MICU1: variants seen among roughly 807,000 people sequenced by gnomAD.
The protein encoded by MICU1 is calcium uptake protein 1, mitochondrial.
Under a neutral mutation model 56.8 loss-of-function variants are expected in MICU1, and 45 were observed. That is an observed-to-expected ratio of 0.79 (90% CI 0.62 to 1.02). The LOEUF is 1.02. Among genes scored for constraint, MICU1 ranks in the 50% least tolerant of loss-of-function variants. The probability of loss-of-function intolerance (pLI) is 0.00; values close to 1 mark genes in which losing one functional copy is unlikely to be tolerated. For missense variants in MICU1, 504 were observed against 587.1 expected (o/e 0.86, Z 1.46); for synonymous variants, 186 against 195.1 (o/e 0.95, Z 0.39).
chr10:72,475,064 CAT>C (rs761546296), intron 8 of MICU1, 34 bp downstream of exon 8: 154 of 1,565,594 alleles, frequency 9.8e-5, no homozygotes, highest in Non-Finnish European at 1.3e-4. Flanking sequence ...ATCAGTTCCA[CAT>C]GTGATGGATC....
chr10:72,492,377 T>C (rs907223850), intron 6 of MICU1, among the ~76,000 whole-genome samples: 5 of 151,974 alleles, frequency 3.3e-5, no homozygotes, highest in African/African-American at 1.2e-4. Context: ...TAGTAGCGAG[T>C]GTAGTGAAAA....
chr10:72,573,797 G>C (rs1840674933), intron 1 of MICU1, among the ~76,000 whole-genome samples: 1 of 152,098 alleles, frequency 6.6e-6, no homozygotes, highest in Non-Finnish European at 1.5e-5. Context: ...GCCAGGAACT[G>C]TCACTTACCA....
chr10:72,569,237 A>ATATATATTTTT, intron 1 of MICU1, among the ~76,000 whole-genome samples: 20 of 34,386 alleles, frequency 5.8e-4, no homozygotes, highest in Non-Finnish European at 9.2e-4. Flanking sequence ...ATATATATAT[A>ATATATATTTTT]TTTTTTTTTT....
intron 10 of MICU1, among the ~76,000 whole-genome samples, chr10:72,381,348 T>C (rs545038058): frequency 4.6e-4 from 70 of 152,230 alleles, no homozygotes; most frequent in African/African-American, 1.6e-3. Context: ...GATGTCTTGT[T>C]TTCTTAAGTC....
intron 5 of MICU1, among the ~76,000 whole-genome samples, chr10:72,520,573 G>A (rs1867788192): frequency 6.6e-6 from 1 of 152,078 alleles, no homozygotes; most frequent in Admixed American, 6.6e-5. Context: ...TTAAGATACT[G>A]TAAACTTCAC....
intron 10 of MICU1, among the ~76,000 whole-genome samples, chr10:72,405,250 G>A (rs746946472): frequency 1.3e-4 from 19 of 150,662 alleles, no homozygotes; most frequent in Non-Finnish European, 2.4e-4. Flanking sequence ...ACAGAGTTTC[G>A]CTCTTGTCGC....
rs770460080 is a variant in MICU1 at position 72,368,285 on chromosome 10, C to T, written c.1341G>A (p.Lys447=). The change falls in exon 12 of 12, where the codon AAG becomes AAA. Residue 447 remains lysine, a synonymous_variant. Transcript: ENST00000361114. The stretch of plus-strand genomic sequence containing the variant: ...GGCGAGTGAAACCCATGTCTTTGGG[C>T]TTTTCCAGGCCTCTCATCAGCCGTT... ...MKQRLMRGLE[K]PKDMGFTRLM... is the part of the protein sequence containing the mutation. 120 of 1,613,910 alleles carry T rather than the reference C, an allele frequency of 7.4e-5. No individual in the cohort carries two copies. The highest frequency in any genetic ancestry group is 9.7e-5 in the Non-Finnish European group (115 of 1,179,898).
chr10:72,411,283 A>G (rs1863802111), intron 9 of MICU1, among the ~76,000 whole-genome samples: 1 of 151,820 alleles, frequency 6.6e-6, no homozygotes, highest in African/African-American at 2.4e-5. Flanking sequence ...GTATTTTACC[A>G]CACACAACAC....
chr10:72,539,879 T>A (rs1839727197), intron 4 of MICU1, among the ~76,000 whole-genome samples: 3 of 152,198 alleles, frequency 2.0e-5, no homozygotes, highest in Admixed American at 2.0e-4. Context: ...GATAAATTAT[T>A]CTATCAACTC....
chr10:72,378,215 T>A (rs1459088691), intron 10 of MICU1, among the ~76,000 whole-genome samples: 1 of 152,176 alleles, frequency 6.6e-6, no homozygotes, highest in Non-Finnish European at 1.5e-5. Context: ...ACTGTGCCAC[T>A]GCACTCCAGC....
chr10:72,613,267 TA>T, intron 1 of MICU1, among the ~76,000 whole-genome samples: 1 of 133,042 alleles, frequency 7.5e-6, no homozygotes, highest in Admixed American at 8.0e-5. Flanking sequence ...ACTTTACCCC[TA>T]ATTTTTTTTT....
At chr10:72,459,027 C>G (rs377091041) in intron 8 of MICU1, among the ~76,000 whole-genome samples, 3 of 151,996 alleles carry the variant, frequency 2.0e-5, no homozygotes, top group Admixed American at 6.6e-5. Context: ...CTGCACCTAG[C>G]CTTCATTAAA....
intron 6 of MICU1, among the ~76,000 whole-genome samples, chr10:72,487,657 T>G (rs1428196858): frequency 6.6e-6 from 1 of 152,176 alleles, no homozygotes; most frequent in Non-Finnish European, 1.5e-5. Flanking sequence ...TAATATCTCC[T>G]CGTGAGAATG....
At chr10:72,456,849 TTGTGTGTGTGTGTGTG>T (rs56262647) in intron 8 of MICU1, among the ~76,000 whole-genome samples, 2,096 of 134,650 alleles carry the variant, frequency 0.016, 114 homozygotes, top group African/African-American at 0.054. Context: ...CGGGCTCATT[TTGTGTGTGTGTGTGTG>T]TGTGTGTGTG....
intron 10 of MICU1, among the ~76,000 whole-genome samples, chr10:72,399,061 C>A (rs1863361569): frequency 6.6e-6 from 1 of 152,150 alleles, no homozygotes. Flanking sequence ...ACTGGCAAAC[C>A]AAATCCAGCA....
At chr10:72,575,271 T>C (rs1840712221) in intron 1 of MICU1, among the ~76,000 whole-genome samples, 1 of 152,216 alleles carries the variant, frequency 6.6e-6, no homozygotes, top group African/African-American at 2.4e-5. Context: ...CCTATTTTGT[T>C]TGGATCTAAC....
Position 72,446,307 on chromosome 10 carries a change from C to A in MICU1, c.934-22936G>T, listed in dbSNP as rs553771064. Among the ~76,000 whole-genome samples, 15 of 151,870 alleles carry A rather than the reference C, an allele frequency of 9.9e-5. No individual in the cohort carries two copies. The South Asian group carries it at 3.1e-3, about 31-fold the overall frequency. The stretch of plus-strand genomic sequence containing the variant: ...TACAAGAATGTCATAAAATAAAAAT[C>A]TAAGCCTAATGGAGTATTTTTGTTT... On this transcript the variant is annotated intron_variant, in intron 8 of 11. Coordinates refer to ENST00000361114, the MANE Select transcript of MICU1 (RefSeq NM_001195518.2).
chr10:72,388,858 A>C (rs1862976929), intron 10 of MICU1, among the ~76,000 whole-genome samples: 1 of 152,202 alleles, frequency 6.6e-6, no homozygotes, highest in South Asian at 2.1e-4. Flanking sequence ...TGGAAAGAAC[A>C]CAGACTGGGA....
chr10:72,510,594 T>C (rs1442687533), intron 5 of MICU1, among the ~76,000 whole-genome samples: 2 of 152,166 alleles, frequency 1.3e-5, no homozygotes, highest in African/African-American at 2.4e-5. Context: ...GTATATTTAA[T>C]AAAACCAGGA....
Sources: allele counts gnomAD v4.1 joint callset (sites outside exome capture counted in the v4.1 genomes callset), GRCh38; gene constraint gnomAD v4.1.1; transcripts MANE v1.5; gene names NCBI Gene and HGNC (gene_info 2026-07-23, HGNC 2026-07-21).